The following RORB variants were observed in gnomAD, a reference collection of about 807,000 sequenced individuals.
The protein encoded by RORB is nuclear receptor ROR-beta.
Under a neutral mutation model 59.1 loss-of-function variants are expected in RORB, and 6 were observed. The observed-to-expected ratio is 0.10, with a 90% CI of 0.06 to 0.20. The LOEUF is 0.20. RORB is among the 10% of genes least tolerant of loss of function. RORB has a pLI of 1.00. For synonymous variants in RORB, 215 were observed against 204.5 expected (o/e 1.05, Z -0.44); for missense variants, 320 against 560.5 (o/e 0.57, Z 4.33).
intron 1 of RORB, among the ~76,000 whole-genome samples, chr9:74,545,940 G>C (rs1826480323): frequency 6.6e-6 from 1 of 152,122 alleles, no homozygotes; most frequent in Non-Finnish European, 1.5e-5. Flanking sequence ...CTAACAAAAT[G>C]CAAAGGCGTA....
In RORB at chr9:74,585,930, G is replaced by C. The variant is rs553242216; in HGVS notation, c.8-44352G>C. Among the ~76,000 whole-genome samples, 14 of 152,036 alleles carry C rather than the reference G, an allele frequency of 9.2e-5. No homozygotes were observed. The East Asian group carries it at 2.5e-3, about 28-fold the overall frequency. ...CTGCCTCAGCCTCCCGAGTAGCTGG[G>C]ACTACAGGCGCGTGCCACCATGCCC... is the stretch of plus-strand genomic sequence containing the variant. On this transcript the variant is annotated intron_variant, in intron 1 of 9. Coordinates refer to ENST00000376896, the MANE Select transcript of RORB (RefSeq NM_006914.4).
intron 4 of RORB, among the ~76,000 whole-genome samples, chr9:74,657,382 A>G (rs1824101549): frequency 6.6e-6 from 1 of 152,080 alleles, no homozygotes; most frequent in African/African-American, 2.4e-5. Context: ...GCTCTTTCGA[A>G]ACCTCACTTC....
intron 1 of RORB, among the ~76,000 whole-genome samples, chr9:74,499,448 G>T (rs1825774355): frequency 6.6e-6 from 1 of 152,182 alleles, no homozygotes; most frequent in South Asian, 2.1e-4. Context: ...TCAGGAAAGG[G>T]AAGGAGAAGA....
chr9:74,634,751 G>A lies in RORB; in HGVS notation c.214G>A (p.Ala72Thr). ...CQHCRLQKCL[A>T]LGMSRDAVKF... ...ACACTGCCGACTGCAGAAGTGTCTTGCCCTAGGAATGTCAAGAGATGGTAA... is the reference window on the plus strand; with the variant it reads ...ACACTGCCGACTGCAGAAGTGTCTTACCCTAGGAATGTCAAGAGATGGTAA... Residue 72 changes from alanine (A) to threonine (T), a missense_variant, in exon 3 of 10, where the codon GCC becomes ACC. Coordinates refer to ENST00000376896, the MANE Select transcript of RORB (RefSeq NM_006914.4). 6.2e-7 allele frequency: 1 copy of A among 1,612,756 alleles called. No homozygotes were observed. Among genetic ancestry groups the A allele is most frequent in the Non-Finnish European group, 8.5e-7 (1 of 1,179,364 alleles).
intron 1 of RORB, among the ~76,000 whole-genome samples, chr9:74,556,815 A>G (rs1206474926): frequency 6.6e-6 from 1 of 152,120 alleles, no homozygotes; most frequent in Non-Finnish European, 1.5e-5. Context: ...ATGGAGCTGA[A>G]TGGGGCCATA....
At chr9:74,540,736 C>A (rs1445821964) in intron 1 of RORB, among the ~76,000 whole-genome samples, 1 of 151,914 alleles carries the variant, frequency 6.6e-6, no homozygotes, top group South Asian at 2.1e-4. Context: ...TGGGATGCTT[C>A]CAGTCTTCTG....
intron 1 of RORB, among the ~76,000 whole-genome samples, chr9:74,602,579 A>C (rs1422299128): frequency 2.0e-5 from 3 of 152,212 alleles, no homozygotes; most frequent in Non-Finnish European, 4.4e-5. Flanking sequence ...CCTTACTAAC[A>C]GACTGTTATG....
chr9:74,667,953 T>C, intron 8 of RORB, 52 bp downstream of exon 8: 2 of 1,114,328 alleles, frequency 1.8e-6, no homozygotes, highest in Non-Finnish European at 2.8e-6. Context: ...TTTACTATTT[T>C]TAACACTGAT....
rs1487031411 is a variant in RORB, at chr9:74,662,516, C to G, written c.802C>G (p.His268Asp). Residue 268 changes from histidine (H) to aspartate (D), a missense_variant, in exon 6 of 10, where the codon CAC (histidine) becomes GAC (aspartate). His to Asp is a moderately conservative substitution (Grantham distance 81, BLOSUM62 -1). Around this residue, in one of 4 missense-constraint regions of RORB, gnomAD observed 40 missense variants for 116.9 expected, o/e 0.34. Transcript: ENST00000376896. ...GCAACAATGTGCCATCCAGATCACTCACGCCATCCAATACGTGGTGGAGTT... is the reference window on the plus strand; with the variant it reads ...GCAACAATGTGCCATCCAGATCACTGACGCCATCCAATACGTGGTGGAGTT... ...LWQQCAIQITHAIQYVVEFAK... is the reference protein window; with the variant it reads ...LWQQCAIQITDAIQYVVEFAK... 1 of 1,614,090 alleles carries G rather than the reference C, an allele frequency of 6.2e-7. No homozygotes were observed. The highest frequency in any genetic ancestry group is 8.5e-7 in the Non-Finnish European group (1 of 1,179,952).
At chr9:74,624,617 C>T (rs540149847) in intron 1 of RORB, among the ~76,000 whole-genome samples, 33 of 152,148 alleles carry the variant, frequency 2.2e-4, no homozygotes, top group Non-Finnish European at 4.9e-4. Context: ...GCATCACAGA[C>T]CTTTGGCTTT....
intron 1 of RORB, among the ~76,000 whole-genome samples, chr9:74,572,279 T>C (rs762477818): frequency 5.3e-5 from 8 of 152,154 alleles, no homozygotes; most frequent in Non-Finnish European, 7.4e-5. Flanking sequence ...TGGGTACTGA[T>C]ATGAAAAAAA....
chr9:74,530,265 A>C (rs1311925180), intron 1 of RORB, among the ~76,000 whole-genome samples: 2 of 151,944 alleles, frequency 1.3e-5, no homozygotes, highest in Non-Finnish European at 2.9e-5. Context: ...AAAATTCTCC[A>C]CCTTTAGGTT....
At chr9:74,537,904 G>A (rs1048761900) in intron 1 of RORB, among the ~76,000 whole-genome samples, 13 of 151,952 alleles carry the variant, frequency 8.6e-5, no homozygotes, top group Non-Finnish European at 1.8e-4. Context: ...GGAAGTCTAC[G>A]GTAGTATACA....
chr9:74,598,184 C>T (rs1212774439), intron 1 of RORB, among the ~76,000 whole-genome samples: 1 of 152,056 alleles, frequency 6.6e-6, no homozygotes, highest in Non-Finnish European at 1.5e-5. Flanking sequence ...GCCCATCAAC[C>T]GATTGGGGCC....
In RORB at chr9:74,634,093, G is replaced by A. The variant is rs1486874786; in HGVS notation, c.94-538G>A. 7.1e-4 allele frequency among the ~76,000 whole-genome samples: 96 copies of A among 134,728 alleles called. No homozygotes were observed. In the South Asian group the frequency reaches 0.02, roughly 28 times the overall value. 88.4% of individuals were successfully genotyped at this position (134,728 alleles called of 152,430 possible). A position where few individuals can be genotyped will look rare whatever the true frequency, so the allele number is the denominator to read the frequency against. On this transcript the variant is annotated intron_variant, in intron 2 of 9. Coordinates refer to ENST00000376896, the MANE Select transcript of RORB (RefSeq NM_006914.4). The stretch of plus-strand genomic sequence containing the variant: ...CTCAAAAAGTTAAAAAAAAAAAAAA[G>A]ACACTTTTCAGCTGCATTCGAGCCA...
intron 1 of RORB, among the ~76,000 whole-genome samples, chr9:74,607,919 T>C (rs926464998): frequency 7.2e-5 from 11 of 152,130 alleles, no homozygotes; most frequent in Admixed American, 6.5e-5. Context: ...ACTGCAGACA[T>C]ATGGGCTGGA....
rs1045300271 is a variant in RORB at position 74,573,476 on chromosome 9, A to C, written c.8-56806A>C. 1.2e-4 allele frequency among the ~76,000 whole-genome samples: 19 copies of C among 152,074 alleles called. No individual in the cohort carries two copies. The East Asian group carries it at 3.1e-3, about 25-fold the overall frequency. ...GAGCTTTTGTTATTAAAAAAAAAAA[A>C]AAAAAAAAACTGGGCCTAATGATTG... is the stretch of plus-strand genomic sequence containing the variant. On this transcript the variant is annotated intron_variant, in intron 1 of 9. Coordinates refer to ENST00000376896, the MANE Select transcript of RORB (RefSeq NM_006914.4).
intron 5 of RORB, among the ~76,000 whole-genome samples, chr9:74,661,782 C>G (rs1018769675): frequency 2.2e-5 from 3 of 137,696 alleles, no homozygotes; most frequent in Non-Finnish European, 4.5e-5. Context: ...GTAGCTGGGA[C>G]TACAGGCGCC....
At chr9:74,607,234 C>T (rs1193434669) in intron 1 of RORB, among the ~76,000 whole-genome samples, 1 of 152,100 alleles carries the variant, frequency 6.6e-6, no homozygotes, top group Non-Finnish European at 1.5e-5. Context: ...AGTTAAGATC[C>T]CTTGGGGAAG....
Sources: gnomAD v4.1 joint callset for allele counts (sites outside exome capture counted in the v4.1 genomes callset) on GRCh38, gnomAD v4.1.1 for gene constraint, gnomAD v4.1.1 regional missense constraint, MANE v1.5 for transcripts, NCBI Gene and HGNC (gene_info 2026-07-23, HGNC 2026-07-21) for gene names.